Variants in CRACR2A observed in about 807,000 individuals in gnomAD.
CRACR2A encodes the protein calcium release activated channel regulator 2A.
CRACR2A carries 79 observed loss-of-function variants against 90.5 expected under a neutral mutation model. The ratio of observed to expected loss-of-function variants is 0.87; its 90% confidence interval spans 0.73 to 1.05. The LOEUF (loss-of-function observed/expected upper bound fraction) is 1.05, where lower values mean the gene tolerates loss of function less well. Among genes scored for constraint, CRACR2A ranks in the 50% least tolerant of loss-of-function variants. The pLI is 0.00. For missense variants in CRACR2A, 823 were observed against 897.2 expected (o/e 0.92, Z 1.06); for synonymous variants, 338 against 356.7 (o/e 0.95, Z 0.59).
At chr12:3,661,422 G>A (rs1290911340) in intron 7 of CRACR2A, among the ~76,000 whole-genome samples, 1 of 152,208 alleles carries the variant, frequency 6.6e-6, no homozygotes, top group Non-Finnish European at 1.5e-5. Context: ...CTCAGCAAGA[G>A]ATGACAGTCC....
intron 7 of CRACR2A, among the ~76,000 whole-genome samples, chr12:3,666,364 T>TGTGTGTGTGTGTGTGCGCGC (rs765943563): frequency 9.4e-5 from 14 of 149,494 alleles, no homozygotes; most frequent in African/African-American, 3.5e-4. Context: ...TGCGTGCGTG[T>TGTGTGTGTGTGTGTGCGCGC]GCGCGTGCGC....
intron 3 of CRACR2A, among the ~76,000 whole-genome samples, chr12:3,698,840 G>C (rs758128125): frequency 1.1e-4 from 16 of 152,130 alleles, no homozygotes; most frequent in Non-Finnish European, 2.2e-4. Context: ...GGATAATGAT[G>C]GTGGTAACGT....
Position 3,692,768 on chromosome 12 carries a change from C to T in CRACR2A, c.228+4004G>A, listed in dbSNP as rs572760138. 5.9e-5 allele frequency among the ~76,000 whole-genome samples: 9 copies of T among 152,180 alleles called. No homozygotes were observed. The East Asian group carries it at 1.2e-3, about 20-fold the overall frequency. On this transcript the variant is annotated intron_variant, in intron 4 of 19. Coordinates refer to ENST00000440314, the MANE Select transcript of CRACR2A (RefSeq NM_001144958.2). ...AATGAAGGCAGCATGGCTTGGGGGCCAGAGGCCCCTGTGGGCAACTGTGTG... is the reference window on the plus strand; with the variant it reads ...AATGAAGGCAGCATGGCTTGGGGGCTAGAGGCCCCTGTGGGCAACTGTGTG...
chr12:3,705,810 T>C (rs1401635449), intron 3 of CRACR2A, among the ~76,000 whole-genome samples: 2 of 152,216 alleles, frequency 1.3e-5, no homozygotes, highest in Admixed American at 6.5e-5. Context: ...AATTGACTTA[T>C]AGGATACACA....
intron 19 of CRACR2A, 67 bp downstream of exon 19, chr12:3,616,887 G>A (rs1302268769): frequency 1.6e-6 from 2 of 1,278,828 alleles, no homozygotes; most frequent in East Asian, 5.0e-5. Context: ...GGGAAACACG[G>A]TGCCTCCCTG....
intron 2 of CRACR2A, among the ~76,000 whole-genome samples, chr12:3,714,428 G>A (rs891968319): frequency 6.6e-6 from 1 of 152,218 alleles, no homozygotes; most frequent in African/African-American, 2.4e-5. Context: ...CTACCAGGAT[G>A]CTGGAAGCAA....
At chr12:3,716,874 C>A (rs1235471354) in intron 2 of CRACR2A, among the ~76,000 whole-genome samples, 1 of 151,990 alleles carries the variant, frequency 6.6e-6, no homozygotes, top group Admixed American at 6.5e-5. Flanking sequence ...GATGTTATAC[C>A]AAGTTAGTAT....
intron 1 of CRACR2A, among the ~76,000 whole-genome samples, chr12:3,742,101 G>A (rs36101496): frequency 5.2e-4 from 79 of 152,338 alleles, no homozygotes; most frequent in Non-Finnish European, 8.5e-4. Flanking sequence ...ACTAACCACC[G>A]TTACCCAGGC....
At chr12:3,721,420 AAGAG>A (rs1247447362) in intron 2 of CRACR2A, among the ~76,000 whole-genome samples, 1 of 151,432 alleles carries the variant, frequency 6.6e-6, no homozygotes, top group African/African-American at 2.4e-5. Flanking sequence ...AAGAAAGAAA[AAGAG>A]AGAGAGAGCA....
chr12:3,699,094 TA>T (rs1244227813), intron 3 of CRACR2A, among the ~76,000 whole-genome samples: 1 of 152,162 alleles, frequency 6.6e-6, no homozygotes, highest in Non-Finnish European at 1.5e-5. Context: ...GGATTCCCAT[TA>T]TACAGATGAG....
intron 1 of CRACR2A, among the ~76,000 whole-genome samples, chr12:3,734,546 C>T (rs545701388): frequency 8.5e-5 from 13 of 152,144 alleles, no homozygotes; most frequent in African/African-American, 2.9e-4. Flanking sequence ...TTCACAGCAG[C>T]AGTATTCACA....
At position 3,633,459 on chromosome 12, in the gene CRACR2A, T is replaced by C; in HGVS notation, c.1735+145A>G. 8.8e-7 allele frequency: 1 copy of C among 1,136,732 alleles called. No homozygotes were observed. 70.4% of individuals were successfully genotyped at this position (1,136,732 alleles called of 1,614,324 possible). A position where few individuals can be genotyped will look rare whatever the true frequency, so the allele number is the denominator to read the frequency against. The stretch of plus-strand genomic sequence containing the variant: ...ATCTTGCCCCTCCCAGCCTGTCTGT[T>C]GAACAGAGCAGACACCAGTATCCCT... On this transcript the variant is annotated intron_variant, in intron 15 of 19. Transcript: ENST00000440314. The surrounding 1 kb of genome is among the most constrained non-coding windows in gnomAD (Gnocchi z 4.5).
intron 1 of CRACR2A, chr12:3,752,522 TTC>T (rs1340303506): frequency 6.6e-6 from 1 of 152,430 alleles, no homozygotes; most frequent in East Asian, 1.9e-4. Context: ...CTCTGGGAGG[TTC>T]TCTCTCTGTG....
At chr12:3,710,791 C>CAAA (rs902683230) in intron 3 of CRACR2A, among the ~76,000 whole-genome samples, 2 of 115,774 alleles carry the variant, frequency 1.7e-5, no homozygotes, top group Admixed American at 8.9e-5. Context: ...GGCTCCACCG[C>CAAA]AAAAAAAAAA....
intron 6 of CRACR2A, 43 bp from the exon 7 acceptor site, chr12:3,673,635 C>T (rs1328944617): frequency 6.3e-7 from 1 of 1,599,538 alleles, no homozygotes; most frequent in South Asian, 1.1e-5. Context: ...GGAGATGAGG[C>T]TTCACGGGAA....
At chr12:3,721,387 G>GAAAGA (rs1946171374) in intron 2 of CRACR2A, among the ~76,000 whole-genome samples, 1 of 144,002 alleles carries the variant, frequency 6.9e-6, no homozygotes, top group South Asian at 2.2e-4. Context: ...AAAAAAGAAA[G>GAAAGA]AAAGAAAAGA....
At position 3,746,418 on chromosome 12, in the gene CRACR2A, C is replaced by T. The variant is rs1316136805; in HGVS notation, c.-387+6597G>A. On this transcript the variant is annotated intron_variant, in intron 1 of 19. Transcript: ENST00000440314. The surrounding 1 kb of genome is among the most constrained non-coding windows in gnomAD (Gnocchi z 4.4). ...TCTTCCCCACCCTTCCTCCACCCTC[C>T]CTCTCCCTTCTTCCTCTCCCATTCT... 6.6e-6 allele frequency among the ~76,000 whole-genome samples: 1 copy of T among 151,924 alleles called. No homozygotes were observed. Among genetic ancestry groups the T allele is most frequent in the Non-Finnish European group, 1.5e-5 (1 of 67,972 alleles).
At chr12:3,621,544 T>A (rs1944134680) in intron 17 of CRACR2A, among the ~76,000 whole-genome samples, 1 of 145,940 alleles carries the variant, frequency 6.9e-6, no homozygotes, top group African/African-American at 2.5e-5. Context: ...CCCAGCTACT[T>A]GGGAGGCTGA....
chr12:3,713,947 C>G (rs147143482), intron 2 of CRACR2A, among the ~76,000 whole-genome samples: 2 of 152,130 alleles, frequency 1.3e-5, no homozygotes, highest in Non-Finnish European at 1.5e-5. Context: ...CCACATGCTG[C>G]GTAGCATGGT....
Sources: gnomAD v4.1 joint callset for allele counts (sites outside exome capture counted in the v4.1 genomes callset) on GRCh38, gnomAD v4.1.1 for gene constraint, Gnocchi (gnomAD v3.1) non-coding constraint, MANE v1.5 for transcripts, NCBI Gene and HGNC (gene_info 2026-07-23, HGNC 2026-07-21) for gene names.